UROS: variants seen among roughly 807,000 people sequenced by gnomAD.
The protein encoded by UROS is uroporphyrinogen-III synthase.
Under a neutral mutation model 33.0 loss-of-function variants are expected in UROS, and 18 were observed. That is an observed-to-expected ratio of 0.55 (90% confidence interval 0.38 to 0.81). The LOEUF (loss-of-function observed/expected upper bound fraction) is 0.81. Among genes scored for constraint, UROS ranks in the 30% least tolerant of loss-of-function variants. UROS has a pLI of 0.00. For missense variants in UROS, 293 were observed against 314.9 expected (o/e 0.93, Z 0.53); for synonymous variants, 114 against 121.1 (o/e 0.94, Z 0.38).
chr10:125,804,506 G>A (rs894174256), intron 6 of UROS, among the ~76,000 whole-genome samples: 15 of 152,186 alleles, frequency 9.9e-5, no homozygotes, highest in Admixed American at 2.6e-4. Context: ...CCTGAGTAGG[G>A]AGTCGTGAGA....
intron 9 of UROS, among the ~76,000 whole-genome samples, chr10:125,790,595 G>C (rs1260965972): frequency 6.6e-6 from 1 of 152,010 alleles, no homozygotes; most frequent in African/African-American, 2.4e-5. Flanking sequence ...GATCACCTGA[G>C]GTCAGGAGTT....
At chr10:125,813,230 T>A (rs1452806910) in intron 4 of UROS, among the ~76,000 whole-genome samples, 1 of 152,222 alleles carries the variant, frequency 6.6e-6, no homozygotes, top group Non-Finnish European at 1.5e-5. Context: ...TTAACGTGTG[T>A]GTCCCAGGTA....
downstream of UROS, among the ~76,000 whole-genome samples, chr10:125,786,755 G>C (rs937263859): frequency 6.6e-6 from 1 of 152,202 alleles, no homozygotes. Flanking sequence ...GCAGTCCCGT[G>C]GGAGGGTGAG....
intron 5 of UROS, among the ~76,000 whole-genome samples, chr10:125,809,388 A>G (rs1852605963): frequency 6.6e-6 from 1 of 152,276 alleles, no homozygotes. Context: ...CAAGCCAACC[A>G]TCTTTGCTTT....
chr10:125,787,699 T>G (rs955942265), downstream of UROS, among the ~76,000 whole-genome samples: 1 of 152,204 alleles, frequency 6.6e-6, no homozygotes, highest in Admixed American at 6.5e-5. Context: ...CTTGCCCAAT[T>G]ATTTTCCTTA....
chr10:125,802,154 AC>A, intron 6 of UROS: 1 of 985,496 alleles, frequency 1.0e-6, no homozygotes, highest in African/African-American at 1.7e-5. Context: ...AACATTAGAA[AC>A]AAAAAGCCTG....
intron 6 of UROS, among the ~76,000 whole-genome samples, chr10:125,806,600 T>A (rs142656826): frequency 1.4e-3 from 211 of 152,322 alleles, no homozygotes; most frequent in African/African-American, 4.8e-3. Flanking sequence ...GCCCAAAATA[T>A]CCTTAACAGA....
chr10:125,822,618 C>T (rs1040070003), intron 1 of UROS, among the ~76,000 whole-genome samples: 1 of 151,860 alleles, frequency 6.6e-6, no homozygotes. Context: ...CCACCACGCC[C>T]GGCTAATTTT....
intron 9 of UROS, chr10:125,791,933 T>C (rs917601313): frequency 3.9e-5 from 6 of 152,096 alleles, no homozygotes; most frequent in Non-Finnish European, 8.8e-5. Flanking sequence ...ATAAAAATCA[T>C]GTTAAAGTTT....
At chr10:125,810,456 C>T (rs769478914) in intron 5 of UROS, among the ~76,000 whole-genome samples, 1 of 152,124 alleles carries the variant, frequency 6.6e-6, no homozygotes, top group East Asian at 1.9e-4. Context: ...TCCCCTAAGT[C>T]AAGCCTCAAA....
intron 1 of UROS, among the ~76,000 whole-genome samples, chr10:125,821,649 A>G (rs944849119): frequency 3.3e-5 from 5 of 152,248 alleles, no homozygotes; most frequent in African/African-American, 1.2e-4. Context: ...CCATAAAAAA[A>G]GTATAAAGAA....
chr10:125,801,791 T>C (rs960959221), intron 6 of UROS, among the ~76,000 whole-genome samples: 6 of 152,224 alleles, frequency 3.9e-5, no homozygotes, highest in African/African-American at 1.4e-4. Context: ...GTCAGTTAAC[T>C]GAAACACCAA....
intron 8 of UROS, among the ~76,000 whole-genome samples, chr10:125,795,654 G>T (rs1217324697): frequency 6.6e-6 from 1 of 152,058 alleles, no homozygotes; most frequent in Non-Finnish European, 1.5e-5. Flanking sequence ...TGCCCCTCCA[G>T]CTCCACCAGC....
At chr10:125,807,289 A>C (rs1375181456) in intron 6 of UROS, 124 bp downstream of exon 6, 2 of 849,816 alleles carry the variant, frequency 2.4e-6, no homozygotes, top group East Asian at 5.2e-5. Flanking sequence ...AGTGGGTTAT[A>C]CGATGCTCAC....
chr10:125,796,844 T>C, intron 7 of UROS: 1 of 985,390 alleles, frequency 1.0e-6, no homozygotes, highest in African/African-American at 1.7e-5. Context: ...AGGTGAAAAG[T>C]AGTGAAAACT....
chr10:125,807,585 T>G (rs1852445444), intron 5 of UROS, 98 bp from the exon 6 acceptor site: 3 of 901,614 alleles, frequency 3.3e-6, no homozygotes, highest in Non-Finnish European at 5.5e-6. Flanking sequence ...GTATGCAGTT[T>G]ACAAATCACA....
chr10:125,804,916 A>C (rs935888945), intron 6 of UROS, among the ~76,000 whole-genome samples: 1 of 152,222 alleles, frequency 6.6e-6, no homozygotes, highest in South Asian at 2.1e-4. Flanking sequence ...GAATGGAGTT[A>C]AACTCCTCTT....
At chr10:125,785,320 G>A (rs1850610140), downstream of UROS, 1 of 152,154 alleles carries the variant, frequency 6.6e-6, no homozygotes, top group African/African-American at 2.4e-5. Flanking sequence ...ACATCCCCTT[G>A]GCTACAACTT....
intron 7 of UROS, 104 bp from the exon 8 acceptor site, chr10:125,796,292 C>G: frequency 1.8e-6 from 2 of 1,138,356 alleles, no homozygotes; most frequent in South Asian, 2.5e-5. Flanking sequence ...ACAGCACCAC[C>G]CTCCTGGAAC....
Sources: allele counts gnomAD v4.1 joint callset (sites outside exome capture counted in the v4.1 genomes callset), GRCh38; gene constraint gnomAD v4.1.1; transcripts MANE v1.5; gene names NCBI Gene and HGNC (gene_info 2026-07-23, HGNC 2026-07-21).